PPIG: variants seen among roughly 807,000 people sequenced by gnomAD.
PPIG encodes peptidyl-prolyl cis-trans isomerase G.
In PPIG, 26 loss-of-function variants were observed where a neutral mutation model predicts 87.9. The observed-to-expected ratio is 0.30, with a 90% CI of 0.22 to 0.41. The LOEUF is 0.41. Among genes scored for constraint, PPIG ranks in the 10% least tolerant of loss-of-function variants. The probability of loss-of-function intolerance (pLI) is 1.00; values close to 1 mark genes in which losing one functional copy is unlikely to be tolerated. For synonymous variants in PPIG, 308 were observed against 276.5 expected, an observed-to-expected ratio of 1.11 and a Z score of -1.13; for missense variants, 722 against 879.4, an observed-to-expected ratio of 0.82 and a Z score of 2.26.
chr2:169,620,174 G>A (rs944648386), intron 9 of PPIG, among the ~76,000 whole-genome samples: 3 of 152,050 alleles, frequency 2.0e-5, no homozygotes, highest in African/African-American at 7.2e-5. Flanking sequence ...ATGTCATGGA[G>A]CTTTTTCCGT....
intron 1 of PPIG, among the ~76,000 whole-genome samples, chr2:169,600,021 T>A (rs994150611): frequency 2.0e-5 from 3 of 152,106 alleles, no homozygotes; most frequent in African/African-American, 7.2e-5. Flanking sequence ...TATTCGCAAG[T>A]ACTTTTCTTA....
At position 169,641,281 on chromosome 2, in the gene PPIG, T is replaced by C. The variant is rs1172713130; in HGVS notation, c.*3758T>C. On this transcript the variant is annotated 3_prime_UTR_variant, in exon 14 of 14. Transcript: ENST00000260970. The stretch of plus-strand genomic sequence containing the variant: ...TGTAAAATTAGTTTCAAAATGCTGC[T>C]TCTCTTATCATTAGTCTAGTAATTG... 1 of 152,202 alleles carries C rather than the reference T, an allele frequency of 6.6e-6. No homozygotes were observed. The highest frequency in any genetic ancestry group is 1.5e-5 in the Non-Finnish European group (1 of 68,038). 9.4% of individuals were successfully genotyped at this position (152,202 alleles called of 1,614,324 possible).
chr2:169,625,322 T>C (rs145926612), intron 9 of PPIG, among the ~76,000 whole-genome samples: 1 of 152,242 alleles, frequency 6.6e-6, no homozygotes, highest in South Asian at 2.1e-4. Context: ...TTCTCACATT[T>C]TGTACATTAT....
Position 169,631,893 on chromosome 2 carries a change from A to G in PPIG, c.889A>G (p.Lys297Glu). The G allele has an allele frequency of 6.2e-7, 1 of 1,606,920 alleles. No individual in the cohort carries two copies. The highest frequency in any genetic ancestry group is 1.1e-5 in the South Asian group (1 of 90,912). The change falls in exon 11 of 14, where the codon AAG becomes GAG. Residue 297 changes from lysine to glutamate, a missense_variant. Physicochemically the swap from Lys to Glu is moderately conservative, Grantham distance 56. Transcript: ENST00000260970. ...AAAAAGTCCTCCTAAAGCTGATGAG[A>G]AGGAAAGGAAAAACAGAGAGAGAGA... ...MRKSPPKADE[K>E]ERKNRERERE... is the part of the protein sequence containing the mutation.
chr2:169,603,237 G>A lies in PPIG; in HGVS notation c.-69-405G>A, dbSNP rs187110628. ...CACTTAGTGCCTTTGTTTCTTCTACGGGTAAGTATCATCTTCCACCAAGTA... is the reference window on the plus strand; with the variant it reads ...CACTTAGTGCCTTTGTTTCTTCTACAGGTAAGTATCATCTTCCACCAAGTA... On this transcript the variant is annotated intron_variant, in intron 1 of 13. Coordinates refer to ENST00000260970, the MANE Select transcript of PPIG (RefSeq NM_004792.3). 8.6e-5 allele frequency among the ~76,000 whole-genome samples: 13 copies of A among 151,972 alleles called. No individual in the cohort carries two copies. In the East Asian group the frequency reaches 2.3e-3, roughly 27 times the overall value.
Position 169,592,858 on chromosome 2 carries a change from C to T in PPIG, c.-70+8368C>T, listed in dbSNP as rs1009185581. On this transcript the variant is annotated intron_variant, in intron 1 of 13. Coordinates refer to ENST00000260970, the MANE Select transcript of PPIG (RefSeq NM_004792.3). ...ATTAGTAGCATTTCAGTAATGTTAG[C>T]GACACAGCATGTGAGCCATCTTTTG... is the stretch of plus-strand genomic sequence containing the variant. Among the ~76,000 whole-genome samples the T allele has an allele frequency of 5.3e-5, 8 of 152,218 alleles. No individual in the cohort carries two copies. The East Asian group carries it at 5.8e-4, about 11-fold the overall frequency.
chr2:169,595,318 G>A (rs933099329), intron 1 of PPIG, among the ~76,000 whole-genome samples: 2 of 152,128 alleles, frequency 1.3e-5, no homozygotes, highest in Admixed American at 6.5e-5. Context: ...TATGGGTTAC[G>A]TGAGATATTT....
intron 9 of PPIG, among the ~76,000 whole-genome samples, chr2:169,630,349 C>G (rs1448339980): frequency 1.3e-5 from 2 of 152,050 alleles, no homozygotes; most frequent in Non-Finnish European, 2.9e-5. Flanking sequence ...CAGTGAAATC[C>G]ATTTCTTATC....
At chr2:169,634,774 A>G (rs1686141408) in intron 12 of PPIG, among the ~76,000 whole-genome samples, 1 of 152,182 alleles carries the variant, frequency 6.6e-6, no homozygotes, top group Non-Finnish European at 1.5e-5. Context: ...CATGTGTTTC[A>G]AGCTTTACCC....
At chr2:169,630,747 AT>A in intron 9 of PPIG, 26 bp from the exon 10 acceptor site, 1 of 1,563,944 alleles carries the variant, frequency 6.4e-7, no homozygotes. Context: ...AAAATTGTTG[AT>A]CAAAACCTTT....
intron 6 of PPIG, 46 bp from the exon 7 acceptor site, chr2:169,608,625 T>G: frequency 7.7e-7 from 1 of 1,297,486 alleles, no homozygotes. Context: ...GAAATTTTTT[T>G]GGAGGTTATA....
At position 169,637,150 on chromosome 2, in the gene PPIG, CAG is replaced by C. The variant is rs1686202587; in HGVS notation, c.1900_1901del (p.Glu634ArgfsTer16). ...AGAAGGAGGAGAGACTCACGGAGCT[CAG>C]AGAGAGAAGAAAGTCAAAGCAGAAA... On this transcript the variant is annotated frameshift_variant, in exon 14 of 14. Transcript: ENST00000260970. LOFTEE classifies it high-confidence loss of function. The C allele has an allele frequency of 6.2e-7, 1 of 1,612,378 alleles. No homozygotes were observed. The highest frequency in any genetic ancestry group is 1.1e-5 in the South Asian group (1 of 90,902).
intron 1 of PPIG, among the ~76,000 whole-genome samples, chr2:169,587,324 C>G (rs1448304015): frequency 6.6e-6 from 1 of 152,012 alleles, no homozygotes; most frequent in Non-Finnish European, 1.5e-5. Context: ...TCACTGCAAC[C>G]TCCGCCTCCC....
At chr2:169,603,984 G>T in intron 2 of PPIG, 42 bp from the exon 3 acceptor site, 1 of 1,452,360 alleles carries the variant, frequency 6.9e-7, no homozygotes, top group East Asian at 2.3e-5. Flanking sequence ...AAAGATCTTT[G>T]CTATTTTAGT....
chr2:169,607,291 TAAA>T, intron 6 of PPIG, 143 bp downstream of exon 6: 1 of 511,720 alleles, frequency 2.0e-6, no homozygotes, highest in African/African-American at 2.0e-5. Flanking sequence ...AATTTTCTGG[TAAA>T]AAAAATTGCT....
At chr2:169,631,546 T>C (rs1283346499) in intron 10 of PPIG, 4 of 1,297,622 alleles carry the variant, frequency 3.1e-6, no homozygotes, top group Non-Finnish European at 3.9e-6. Flanking sequence ...AAAATATTTT[T>C]TGAGAGTGTG....
intron 12 of PPIG, among the ~76,000 whole-genome samples, chr2:169,634,938 T>C (rs1361400890): frequency 6.6e-6 from 1 of 152,204 alleles, no homozygotes; most frequent in Non-Finnish European, 1.5e-5. Flanking sequence ...ATATTTACTC[T>C]TTCAGGAATT....
chr2:169,625,921 C>T (rs1388734388), intron 9 of PPIG, among the ~76,000 whole-genome samples: 1 of 152,086 alleles, frequency 6.6e-6, no homozygotes, highest in Non-Finnish European at 1.5e-5. Flanking sequence ...GGTTTGTGCT[C>T]CTCTGAAAAT....
intron 10 of PPIG, chr2:169,631,541 A>G: frequency 5.5e-6 from 7 of 1,283,970 alleles, no homozygotes; most frequent in Non-Finnish European, 6.9e-6. Context: ...GTAGGAAAAT[A>G]TTTTTTGAGA....
Sources: allele counts gnomAD v4.1 joint callset (sites outside exome capture counted in the v4.1 genomes callset), GRCh38; gene constraint gnomAD v4.1.1; transcripts MANE v1.5; gene names NCBI Gene and HGNC (gene_info 2026-07-23, HGNC 2026-07-21).